The following NFATC3 variants were observed in gnomAD, a reference collection of about 807,000 sequenced individuals.
The protein encoded by NFATC3 is nuclear factor of activated T cells 3.
Under a neutral mutation model 98.6 loss-of-function variants are expected in NFATC3, and 46 were observed. The ratio of observed to expected loss-of-function variants is 0.47; its 90% CI spans 0.37 to 0.60. The LOEUF is 0.60. Among genes scored for constraint, NFATC3 ranks in the 20% least tolerant of loss-of-function variants. The pLI is 0.00. For missense variants in NFATC3, 1,256 were observed against 1,295.5 expected (o/e 0.97, Z 0.47); for synonymous variants, 512 against 472.2 (o/e 1.08, Z -1.09).
chr16:68,118,282 C>A (rs1288953185), intron 1 of NFATC3, among the ~76,000 whole-genome samples: 2 of 152,166 alleles, frequency 1.3e-5, no homozygotes, highest in Admixed American at 1.3e-4. Context: ...TCTCTTCTAC[C>A]ACTTAGTAGC....
chr16:68,197,529 G>A lies in NFATC3; in HGVS notation c.3106+5754G>A, dbSNP rs1047837035. Among the ~76,000 whole-genome samples, 9 of 152,334 alleles carry A rather than the reference G, an allele frequency of 5.9e-5. No individual in the cohort carries two copies. The South Asian group carries it at 8.3e-4, about 14-fold the overall frequency. ...CAGTTACTGAGGAAGGCTAAGGCAG[G>A]AAGATCACTTGAGCCTAGTTTGAGG... On this transcript the variant is annotated intron_variant, in intron 9 of 9. Coordinates refer to ENST00000346183, the MANE Select transcript of NFATC3 (RefSeq NM_173165.3).
chr16:68,158,215 G>T (rs1355917617), intron 4 of NFATC3, 147 bp downstream of exon 4: 17 of 581,800 alleles, frequency 2.9e-5, no homozygotes, highest in Non-Finnish European at 4.6e-5. Flanking sequence ...TTCTAAGAGT[G>T]GTAGCATATT....
chr16:68,164,547 G>GT (rs910184012), intron 4 of NFATC3, among the ~76,000 whole-genome samples: 3 of 152,124 alleles, frequency 2.0e-5, no homozygotes, highest in African/African-American at 7.2e-5. Flanking sequence ...CAGCTCCTCT[G>GT]TTTTTTTAAC....
chr16:68,153,043 AAG>A (rs2038420556), intron 3 of NFATC3, among the ~76,000 whole-genome samples: 1 of 152,212 alleles, frequency 6.6e-6, no homozygotes, highest in South Asian at 2.1e-4. Flanking sequence ...AAACAAGAAA[AAG>A]CAGATATCGA....
chr16:68,108,524 G>C (rs1567501083), intron 1 of NFATC3, among the ~76,000 whole-genome samples: 1 of 152,096 alleles, frequency 6.6e-6, no homozygotes, highest in Non-Finnish European at 1.5e-5. Flanking sequence ...GCCTCTAGCT[G>C]TGTTCTTTTT....
At chr16:68,216,568 G>T (rs1369672973) in intron 9 of NFATC3, among the ~76,000 whole-genome samples, 1 of 150,844 alleles carries the variant, frequency 6.6e-6, no homozygotes, top group African/African-American at 2.4e-5. Flanking sequence ...GTCTCGCTCT[G>T]TTGCCTAGGC....
In NFATC3 at chr16:68,202,510, A is replaced by G. The variant is rs1011694923; in HGVS notation, c.3106+10735A>G. ...TTGGTTAGTGGTTTCACTGGTGTCT[A>G]TTTTATTAAAATAAAACAAGGCAAG... On this transcript the variant is annotated intron_variant, in intron 9 of 9. Coordinates refer to ENST00000346183, the MANE Select transcript of NFATC3 (RefSeq NM_173165.3). Among the ~76,000 whole-genome samples, 7 of 152,240 alleles carry G rather than the reference A, an allele frequency of 4.6e-5. 1 individual carries two copies. In the South Asian group the frequency reaches 6.2e-4, roughly 14 times the overall value.
At chr16:68,128,811 C>G (rs2036974568) in intron 3 of NFATC3, among the ~76,000 whole-genome samples, 1 of 150,688 alleles carries the variant, frequency 6.6e-6, no homozygotes, top group Admixed American at 6.6e-5. Flanking sequence ...GGCAACATGT[C>G]TCTTTAAAAA....
At chr16:68,147,761 A>G (rs567590016) in intron 3 of NFATC3, among the ~76,000 whole-genome samples, 127 of 152,028 alleles carry the variant, frequency 8.4e-4, no homozygotes, top group Non-Finnish European at 1.6e-3. Context: ...AACTGAAAAA[A>G]AAAAAAAAAA....
chr16:68,159,278 G>A (rs958144754), intron 4 of NFATC3, among the ~76,000 whole-genome samples: 10 of 151,960 alleles, frequency 6.6e-5, no homozygotes, highest in African/African-American at 2.4e-4. Context: ...CTGTTACTGA[G>A]GAAGAAGAAA....
intron 9 of NFATC3, among the ~76,000 whole-genome samples, chr16:68,211,964 A>G (rs1365334767): frequency 6.6e-6 from 1 of 152,204 alleles, no homozygotes; most frequent in Non-Finnish European, 1.5e-5. Flanking sequence ...TGAAAGTACC[A>G]CTGAATTCAT....
chr16:68,148,344 A>G (rs1219011365), intron 3 of NFATC3, among the ~76,000 whole-genome samples: 5 of 152,050 alleles, frequency 3.3e-5, no homozygotes, highest in Non-Finnish European at 7.4e-5. Flanking sequence ...TTGTGATGAT[A>G]TTGACATTTT....
intron 9 of NFATC3, chr16:68,224,602 G>C (rs2041979464): frequency 7.4e-6 from 1 of 135,608 alleles, no homozygotes; most frequent in Non-Finnish European, 1.6e-5. Flanking sequence ...TTTTGAGATG[G>C]AGTCTTGCTC....
At chr16:68,208,484 G>T (rs1461662939) in intron 9 of NFATC3, among the ~76,000 whole-genome samples, 1 of 152,270 alleles carries the variant, frequency 6.6e-6, no homozygotes, top group East Asian at 1.9e-4. Flanking sequence ...GCTGAGGCAG[G>T]CTGATCACCT....
intron 1 of NFATC3, among the ~76,000 whole-genome samples, chr16:68,095,198 A>G (rs114329216): frequency 0.038 from 5,736 of 152,022 alleles, 118 homozygotes; most frequent in Middle Eastern, 0.15. Flanking sequence ...GGGACTTAAA[A>G]AAAATTTTTT....
At chr16:68,143,531 A>G (rs2151545542) in intron 3 of NFATC3, among the ~76,000 whole-genome samples, 1 of 152,278 alleles carries the variant, frequency 6.6e-6, no homozygotes, top group South Asian at 2.1e-4. Flanking sequence ...TCAAAAATTA[A>G]TTCAAAATGG....
At chr16:68,125,426 G>A (rs1168380539) in intron 2 of NFATC3, among the ~76,000 whole-genome samples, 1 of 152,178 alleles carries the variant, frequency 6.6e-6, no homozygotes, top group Admixed American at 6.5e-5. Context: ...AAGTAAAAAA[G>A]TAACATTTAG....
intron 1 of NFATC3, among the ~76,000 whole-genome samples, chr16:68,103,360 C>T (rs1437456914): frequency 3.9e-5 from 6 of 152,036 alleles, no homozygotes; most frequent in African/African-American, 1.2e-4. Flanking sequence ...AGGTGCATGC[C>T]ACCATGCCCA....
intron 9 of NFATC3, among the ~76,000 whole-genome samples, chr16:68,203,502 G>A (rs575750591): frequency 1.3e-5 from 2 of 151,658 alleles, no homozygotes; most frequent in South Asian, 4.2e-4. Context: ...GTGTGGTGGC[G>A]TGTGCCTATA....
Sources: gnomAD v4.1 joint callset for allele counts (sites outside exome capture counted in the v4.1 genomes callset) on GRCh38, gnomAD v4.1.1 for gene constraint, MANE v1.5 for transcripts, NCBI Gene and HGNC (gene_info 2026-07-23, HGNC 2026-07-21) for gene names.